EIF2AK2: variants seen among roughly 807,000 people sequenced by gnomAD.
EIF2AK2 encodes the protein interferon-induced, double-stranded RNA-activated protein kinase.
EIF2AK2 carries 40 observed loss-of-function variants against 70.5 expected under a neutral mutation model. That is an observed-to-expected ratio of 0.57 (90% CI 0.44 to 0.74). The LOEUF (loss-of-function observed/expected upper bound fraction) is 0.74, where lower values mean the gene tolerates loss of function less well. Among genes scored for constraint, EIF2AK2 ranks in the 30% least tolerant of loss-of-function variants. EIF2AK2 has a pLI of 0.00. For synonymous variants in EIF2AK2, 198 were observed against 220.9 expected (o/e 0.90, Z 0.92); for missense variants, 555 against 644.3 (o/e 0.86, Z 1.50).
chr2:37,146,053 CT>C (rs1436523403), intron 4 of EIF2AK2, among the ~76,000 whole-genome samples: 1 of 152,012 alleles, frequency 6.6e-6, no homozygotes, highest in African/African-American at 2.4e-5. Context: ...CAAGCCCAGC[CT>C]TTTGTCTTTT....
rs1480007309 is a variant in EIF2AK2, at chr2:37,102,983, TAA to T, written c.*4288_*4289del. On this transcript the variant is annotated 3_prime_UTR_variant, in exon 17 of 17. Transcript: ENST00000233057. ...TATGTTTCTAGGGAGGCAATTATAT[TAA>T]AATGGCTCTCAAAATTTCTGTGTGT... The T allele has an allele frequency of 6.7e-6, 1 of 148,628 alleles. No individual in the cohort carries two copies. The highest frequency in any genetic ancestry group is 1.5e-5 in the Non-Finnish European group (1 of 67,532). 9.2% of individuals were successfully genotyped at this position (148,628 alleles called of 1,614,324 possible).
chr2:37,137,327 C>T (rs961592818), intron 8 of EIF2AK2, among the ~76,000 whole-genome samples: 5 of 152,184 alleles, frequency 3.3e-5, no homozygotes. Context: ...ATTTTGTACA[C>T]TTTTCTACTG....
At chr2:37,123,064 A>T (rs953839145) in intron 11 of EIF2AK2, among the ~76,000 whole-genome samples, 3 of 151,914 alleles carry the variant, frequency 2.0e-5, no homozygotes, top group Non-Finnish European at 4.4e-5. Flanking sequence ...GCTACTTGGG[A>T]GGCTGAGGCA....
At chr2:37,128,145 G>C (rs1573016144) in intron 10 of EIF2AK2, among the ~76,000 whole-genome samples, 1 of 152,140 alleles carries the variant, frequency 6.6e-6, no homozygotes, top group East Asian at 1.9e-4. Flanking sequence ...CCAGCACAGT[G>C]CCAATTCTAT....
chr2:37,110,730 A>G (rs1381447552), intron 14 of EIF2AK2, among the ~76,000 whole-genome samples: 1 of 152,236 alleles, frequency 6.6e-6, no homozygotes, highest in Non-Finnish European at 1.5e-5. Flanking sequence ...TTTACAAATC[A>G]GAAATTAAAA....
At chr2:37,147,055 C>T in intron 3 of EIF2AK2, 82 bp from the exon 4 acceptor site, 2 of 1,307,450 alleles carry the variant, frequency 1.5e-6, no homozygotes, top group Non-Finnish European at 1.0e-6. Flanking sequence ...TCACTACCTC[C>T]TATGACTACC....
In EIF2AK2 at chr2:37,116,130, C is replaced by T. The variant is rs4648226; in HGVS notation, c.1249-1271G>A. ...GCCAGATTGGTCTCAAACTCCTGAC[C>T]TCAAGCAATCTGCTCACCTCAGCCT... is the stretch of plus-strand genomic sequence containing the variant. On this transcript the variant is annotated intron_variant, in intron 13 of 16. Coordinates refer to ENST00000233057, the MANE Select transcript of EIF2AK2 (RefSeq NM_001135651.3). Among the ~76,000 whole-genome samples, 412 of 152,242 alleles carry T rather than the reference C, an allele frequency of 2.7e-3. 2 individuals are homozygous for T. Among genetic ancestry groups the T allele is most frequent in the African/African-American group, 9.5e-3 (395 of 41,542 alleles).
At chr2:37,115,068 G>C (rs1174944794) in intron 13 of EIF2AK2, among the ~76,000 whole-genome samples, 1 of 149,082 alleles carries the variant, frequency 6.7e-6, no homozygotes, top group Non-Finnish European at 1.5e-5. Context: ...TTTCTTTTGG[G>C]CCGGAGTCTC....
chr2:37,107,307 T>C lies in EIF2AK2; in HGVS notation c.1622A>G (p.Lys541Arg). Residue 541 changes from lysine to arginine, a missense_variant, in exon 17 of 17, where the codon AAA (lysine) becomes AGA (arginine). Coordinates refer to ENST00000233057, the MANE Select transcript of EIF2AK2 (RefSeq NM_001135651.3). ...GTGTCGTTCATTTTTCTCTGGGCTT[T>C]TCTTCCACACAGTCAAGGTCCTTAG... is the stretch of plus-strand genomic sequence containing the variant. ...EILRTLTVWK[K>R]SPEKNERHTC 1.2e-6 allele frequency: 2 copies of C among 1,613,744 alleles called. No homozygotes were observed. Among genetic ancestry groups the C allele is most frequent in the Non-Finnish European group, 1.7e-6 (2 of 1,179,932 alleles).
At chr2:37,139,842 C>A in intron 5 of EIF2AK2, 85 bp from the exon 6 acceptor site, 1 of 1,370,268 alleles carries the variant, frequency 7.3e-7, no homozygotes. Flanking sequence ...AACATATTAA[C>A]AGAGATCTTA....
rs950422129 is a variant in EIF2AK2, at chr2:37,106,416, G to C, written c.*857C>G. 2 of 151,892 alleles carry C rather than the reference G, an allele frequency of 1.3e-5. No individual in the cohort carries two copies. Among genetic ancestry groups the C allele is most frequent in the Admixed American group, 1.3e-4 (2 of 15,232 alleles). The allele number at this position is 151,892 out of a possible 1,614,324, so 9.4% of individuals were successfully genotyped here. A position where few individuals can be genotyped will look rare whatever the true frequency, so the allele number is the denominator to read the frequency against. On this transcript the variant is annotated 3_prime_UTR_variant, in exon 17 of 17. Coordinates refer to ENST00000233057, the MANE Select transcript of EIF2AK2 (RefSeq NM_001135651.3). ...CATTCTTCTTTTGATGTGCATTATG[G>C]TTGTTCCCTGTTCTTTTGGCTATTA... is the stretch of plus-strand genomic sequence containing the variant.
At chr2:37,122,202 C>T (rs889308311) in intron 12 of EIF2AK2, among the ~76,000 whole-genome samples, 2 of 152,130 alleles carry the variant, frequency 1.3e-5, no homozygotes, top group Admixed American at 1.3e-4. Context: ...AAACAGCCTG[C>T]GCTGAAGCCG....
At chr2:37,126,467 C>T (rs565479362) in intron 10 of EIF2AK2, 56 bp from the exon 11 acceptor site, 36 of 1,571,196 alleles carry the variant, frequency 2.3e-5, no homozygotes, top group Middle Eastern at 1.7e-4. Context: ...CCCACCCCCC[C>T]GCCTCCCCAC....
At position 37,106,423 on chromosome 2, in the gene EIF2AK2, C is replaced by T. The variant is rs1393099766; in HGVS notation, c.*850G>A. On this transcript the variant is annotated 3_prime_UTR_variant, in exon 17 of 17. Coordinates refer to ENST00000233057, the MANE Select transcript of EIF2AK2 (RefSeq NM_001135651.3). The stretch of plus-strand genomic sequence containing the variant: ...CTTTTGATGTGCATTATGGTTGTTC[C>T]CTGTTCTTTTGGCTATTATAAACAG... 6.6e-6 allele frequency: 1 copy of T among 151,460 alleles called. No homozygotes were observed. The highest frequency in any genetic ancestry group is 2.4e-5 in the African/African-American group (1 of 41,154). The allele number at this position is 151,460 out of a possible 1,614,324, so 9.4% of individuals were successfully genotyped here.
At chr2:37,139,111 T>C (rs188935805) in intron 6 of EIF2AK2, among the ~76,000 whole-genome samples, 3 of 149,754 alleles carry the variant, frequency 2.0e-5, no homozygotes, top group Non-Finnish European at 4.5e-5. Flanking sequence ...AGGTCAGGAG[T>C]TCAAGACCAG....
intron 4 of EIF2AK2, among the ~76,000 whole-genome samples, chr2:37,144,867 C>T (rs1040026827): frequency 6.6e-6 from 1 of 151,766 alleles, no homozygotes; most frequent in African/African-American, 2.4e-5. Flanking sequence ...CAGGCATGAA[C>T]CACCACACCC....
At chr2:37,127,259 T>C (rs1674773537) in intron 10 of EIF2AK2, among the ~76,000 whole-genome samples, 1 of 152,102 alleles carries the variant, frequency 6.6e-6, no homozygotes, top group Non-Finnish European at 1.5e-5. Context: ...CATGCTTCCA[T>C]TAGGCCATAG....
chr2:37,114,543 A>G (rs1674269117), intron 14 of EIF2AK2, among the ~76,000 whole-genome samples, 188 bp downstream of exon 14: 2 of 152,192 alleles, frequency 1.3e-5, no homozygotes, highest in African/African-American at 2.4e-5. Context: ...GTATGTTTTT[A>G]TAACTCAGAA....
At chr2:37,131,320 C>G (rs982743740) in intron 10 of EIF2AK2, among the ~76,000 whole-genome samples, 1 of 152,224 alleles carries the variant, frequency 6.6e-6, no homozygotes, top group Non-Finnish European at 1.5e-5. Context: ...GAGATTCCCT[C>G]CAACCAGTGG....
Sources: allele counts gnomAD v4.1 joint callset (sites outside exome capture counted in the v4.1 genomes callset), GRCh38; gene constraint gnomAD v4.1.1; transcripts MANE v1.5; gene names NCBI Gene and HGNC (gene_info 2026-07-23, HGNC 2026-07-21).